NEK7: variants seen among roughly 807,000 people sequenced by gnomAD.
NEK7 encodes NIMA related kinase 7.
In NEK7, 18 loss-of-function variants were observed where a neutral mutation model predicts 44.6. The observed-to-expected ratio is 0.40, with a 90% CI of 0.28 to 0.60. NEK7 has a LOEUF of 0.60. Among genes scored for constraint, NEK7 ranks in the 20% least tolerant of loss-of-function variants. The pLI, the probability that NEK7 is intolerant of heterozygous loss-of-function variation, is 0.38. For synonymous variants in NEK7, 130 were observed against 121.1 expected, an observed-to-expected ratio of 1.07 and a Z score of -0.48; for missense variants, 256 against 366.5, an observed-to-expected ratio of 0.70 and a Z score of 2.46.
intron 1 of NEK7, among the ~76,000 whole-genome samples, chr1:198,177,071 G>A (rs978494927): frequency 6.6e-6 from 1 of 152,114 alleles, no homozygotes; most frequent in African/African-American, 2.4e-5. Flanking sequence ...TTAAACAAGA[G>A]AATCAGCAGA....
chr1:198,176,090 G>A (rs775415265), intron 1 of NEK7, among the ~76,000 whole-genome samples: 34 of 152,268 alleles, frequency 2.2e-4, no homozygotes, highest in South Asian at 1.9e-3. Flanking sequence ...GTTTCCTGAT[G>A]GTTAGACCTG....
At chr1:198,220,847 G>T (rs1666060753) in intron 1 of NEK7, 1 of 151,960 alleles carries the variant, frequency 6.6e-6, no homozygotes, top group South Asian at 2.1e-4. Context: ...ACTTAAATAT[G>T]ATTGATCCTC....
intron 1 of NEK7, among the ~76,000 whole-genome samples, chr1:198,191,216 T>C (rs10922373): frequency 1.5e-4 from 23 of 152,206 alleles, no homozygotes; most frequent in African/African-American, 5.1e-4. Flanking sequence ...TAGAGTTTTT[T>C]TGGAGTATAT....
At chr1:198,288,475 A>AT (rs147305200) in intron 7 of NEK7, among the ~76,000 whole-genome samples, 4,225 of 152,106 alleles carry the variant, frequency 0.028, 191 homozygotes, top group African/African-American at 0.096. Flanking sequence ...AGATACAGAT[A>AT]TTTTTTTCAG....
intron 9 of NEK7, among the ~76,000 whole-genome samples, chr1:198,317,451 A>G (rs1655402727): frequency 6.6e-6 from 1 of 152,162 alleles, no homozygotes; most frequent in Non-Finnish European, 1.5e-5. Flanking sequence ...ACTTTGGTGA[A>G]CTAGAGAATC....
intron 9 of NEK7, among the ~76,000 whole-genome samples, chr1:198,310,584 T>C (rs912576939): frequency 6.0e-5 from 9 of 150,140 alleles, no homozygotes. Context: ...AGGTCTAACG[T>C]TTAAGTCTTT....
chr1:198,183,203 G>A (rs988719904), intron 1 of NEK7, among the ~76,000 whole-genome samples: 1 of 152,112 alleles, frequency 6.6e-6, no homozygotes, highest in African/African-American at 2.4e-5. Flanking sequence ...GGTTACATTG[G>A]TAGCCTGAAA....
chr1:198,210,954 G>A (rs1392127686), intron 1 of NEK7, among the ~76,000 whole-genome samples: 9 of 151,238 alleles, frequency 6.0e-5, no homozygotes, highest in African/African-American at 1.2e-4. Context: ...GGGTTTCACC[G>A]TTTTAGCCGG....
At chr1:198,245,147 G>A (rs1021750521) in intron 2 of NEK7, 2 of 167,476 alleles carry the variant, frequency 1.2e-5, no homozygotes, top group Non-Finnish European at 1.5e-5. Flanking sequence ...TAAGTGGAAA[G>A]TAGATCTTCA....
At chr1:198,252,393 G>T (rs1440910656) in intron 2 of NEK7, among the ~76,000 whole-genome samples, 1 of 151,494 alleles carries the variant, frequency 6.6e-6, no homozygotes, top group East Asian at 1.9e-4. Context: ...TATTAGGTCT[G>T]CTTGGTGCAG....
rs185005012 is a variant in NEK7, at chr1:198,234,746, C to T, written c.57+2109C>T. Among the ~76,000 whole-genome samples the T allele has an allele frequency of 3.1e-3, 473 of 152,322 alleles. 6 individuals carry two copies. Among genetic ancestry groups the T allele is most frequent in the Non-Finnish European group, 1.4e-3 (95 of 68,036 alleles). ...TTCGTTTATGCCTCCTGCTGCTGCT[C>T]CTGTGTGGGTGGACTTCTTTCCCTG... On this transcript the variant is annotated intron_variant, in intron 2 of 9. Transcript: ENST00000367385.
intron 1 of NEK7, among the ~76,000 whole-genome samples, chr1:198,173,430 TAAAA>T (rs77952432): frequency 1.5e-5 from 2 of 137,286 alleles, no homozygotes; most frequent in South Asian, 4.6e-4. Context: ...CTCTGTCTTT[TAAAA>T]AAAAAAAAAA....
At chr1:198,166,877 C>T (rs1240800190) in intron 1 of NEK7, among the ~76,000 whole-genome samples, 1 of 152,226 alleles carries the variant, frequency 6.6e-6, no homozygotes, top group Non-Finnish European at 1.5e-5. Flanking sequence ...AGACTAACTT[C>T]ACATAGGGTT....
intron 9 of NEK7, among the ~76,000 whole-genome samples, chr1:198,314,501 G>A (rs1017218669): frequency 6.6e-6 from 1 of 152,196 alleles, no homozygotes; most frequent in Non-Finnish European, 1.5e-5. Context: ...TGGAGGAGGA[G>A]AGGCGCTCTG....
At chr1:198,275,198 C>A (rs1653977032) in intron 5 of NEK7, among the ~76,000 whole-genome samples, 1 of 149,662 alleles carries the variant, frequency 6.7e-6, no homozygotes, top group East Asian at 1.9e-4. Flanking sequence ...AAAGACTAGC[C>A]TACTTAAAAA....
chr1:198,182,273 C>T (rs541316438), intron 1 of NEK7, among the ~76,000 whole-genome samples: 2 of 152,154 alleles, frequency 1.3e-5, no homozygotes, highest in South Asian at 4.1e-4. Flanking sequence ...ATGTTTTCAC[C>T]ATTCTTAATT....
intron 2 of NEK7, among the ~76,000 whole-genome samples, chr1:198,234,325 C>T (rs1666486805): frequency 6.6e-6 from 1 of 151,708 alleles, no homozygotes; most frequent in African/African-American, 2.4e-5. Flanking sequence ...TTTTAAGTCC[C>T]CATATATATT....
At chr1:198,234,846 C>T (rs1446244534) in intron 2 of NEK7, among the ~76,000 whole-genome samples, 1 of 152,086 alleles carries the variant, frequency 6.6e-6, no homozygotes, top group East Asian at 1.9e-4. Context: ...GATTTTTTTC[C>T]CCTCCTCTCT....
Position 198,269,161 on chromosome 1 carries a change from C to A in NEK7, c.372+4926C>A, listed in dbSNP as rs185492329. ...ATGCTGGCTTTGCTTGCCTGGCTAT[C>A]TTCAGCTTCTAGCTCATAGCACCAA... On this transcript the variant is annotated intron_variant, in intron 5 of 9. Transcript: ENST00000367385. 3.9e-5 allele frequency among the ~76,000 whole-genome samples: 6 copies of A among 152,216 alleles called. No homozygotes were observed. In the East Asian group the frequency reaches 1.2e-3, roughly 29 times the overall value.
Sources: gnomAD v4.1 joint callset for allele counts (sites outside exome capture counted in the v4.1 genomes callset) on GRCh38, gnomAD v4.1.1 for gene constraint, MANE v1.5 for transcripts, NCBI Gene and HGNC (gene_info 2026-07-23, HGNC 2026-07-21) for gene names.